The following MARCHF1 variants were observed in gnomAD, a reference collection of about 807,000 sequenced individuals.
The protein encoded by MARCHF1 is membrane associated ring-CH-type finger 1, also known as E3 ubiquitin-protein ligase MARCHF1.
Under a neutral mutation model 54.2 loss-of-function variants are expected in MARCHF1, and 40 were observed. That is an observed-to-expected ratio of 0.74 (90% CI 0.57 to 0.96). MARCHF1 has a LOEUF of 0.96. Ranked by LOEUF, MARCHF1 falls within the 40% of genes least tolerant of loss-of-function variation. MARCHF1 has a pLI of 0.00. For synonymous variants in MARCHF1, 236 were observed against 236.3 expected (o/e 1.00, Z 0.01); for missense variants, 586 against 656.5 (o/e 0.89, Z 1.17).
At chr4:164,337,413 GGAGAA>G (rs2110829023) in intron 1 of MARCHF1, among the ~76,000 whole-genome samples, 1 of 152,348 alleles carries the variant, frequency 6.6e-6, no homozygotes, top group South Asian at 2.1e-4. Context: ...CTGCCCACAG[GGAGAA>G]GTGACAGTGT....
chr4:164,146,678 T>C (rs1165211695), intron 1 of MARCHF1, among the ~76,000 whole-genome samples: 1 of 152,044 alleles, frequency 6.6e-6, no homozygotes, highest in Non-Finnish European at 1.5e-5. Flanking sequence ...CAATTCAAGA[T>C]GGATTAAAGA....
At chr4:164,363,836 C>T (rs971950102) in intron 1 of MARCHF1, among the ~76,000 whole-genome samples, 2 of 151,680 alleles carry the variant, frequency 1.3e-5, no homozygotes, top group South Asian at 4.2e-4. Flanking sequence ...CATTAGCTCT[C>T]CTATTGAGTA....
At chr4:163,863,975 A>G (rs1163981995) in intron 3 of MARCHF1, among the ~76,000 whole-genome samples, 1 of 152,062 alleles carries the variant, frequency 6.6e-6, no homozygotes, top group Non-Finnish European at 1.5e-5. Context: ...GTAACAGATT[A>G]TGACCCAAAG....
At chr4:163,909,117 T>C (rs1384139061) in intron 3 of MARCHF1, among the ~76,000 whole-genome samples, 1 of 152,188 alleles carries the variant, frequency 6.6e-6, no homozygotes, top group Non-Finnish European at 1.5e-5. Context: ...TTTTAATGTG[T>C]TAATTGATAC....
At chr4:164,254,027 A>G (rs1733196820) in intron 1 of MARCHF1, among the ~76,000 whole-genome samples, 1 of 152,176 alleles carries the variant, frequency 6.6e-6, no homozygotes, top group South Asian at 2.1e-4. Context: ...TACTGAAAAG[A>G]GATAATATGA....
chr4:163,865,099 T>G (rs1018341000), intron 3 of MARCHF1, among the ~76,000 whole-genome samples: 11 of 151,936 alleles, frequency 7.2e-5, no homozygotes, highest in Non-Finnish European at 1.3e-4. Context: ...TCACAGAATT[T>G]AAAGCAATGC....
intron 3 of MARCHF1, among the ~76,000 whole-genome samples, chr4:163,903,664 G>A (rs941075685): frequency 6.6e-6 from 1 of 151,588 alleles, no homozygotes; most frequent in Non-Finnish European, 1.5e-5. Context: ...AGACTGGAGT[G>A]CAATGGTTCA....
At chr4:163,695,783 C>T (rs1744609672) in intron 5 of MARCHF1, among the ~76,000 whole-genome samples, 1 of 152,106 alleles carries the variant, frequency 6.6e-6, no homozygotes, top group South Asian at 2.1e-4. Flanking sequence ...TTGGGAGATA[C>T]ATATTACACT....
chr4:164,139,303 T>G (rs6835007), intron 1 of MARCHF1, among the ~76,000 whole-genome samples: 26,042 of 152,128 alleles, frequency 0.17, 3,697 homozygotes, highest in African/African-American at 0.39. Flanking sequence ...TATTCCATCT[T>G]TCAGTGCCCA....
At chr4:164,079,775 T>C (rs1353489085) in intron 2 of MARCHF1, among the ~76,000 whole-genome samples, 1 of 152,200 alleles carries the variant, frequency 6.6e-6, no homozygotes, top group Non-Finnish European at 1.5e-5. Flanking sequence ...ATCAATATAC[T>C]ATGAAATTTC....
chr4:164,027,792 G>A (rs1449862716), intron 2 of MARCHF1, among the ~76,000 whole-genome samples: 5 of 152,040 alleles, frequency 3.3e-5, no homozygotes, highest in Non-Finnish European at 5.9e-5. Context: ...AATCAACAGA[G>A]TAAACAGGCA....
intron 1 of MARCHF1, among the ~76,000 whole-genome samples, chr4:164,305,974 A>G (rs1734685928): frequency 6.6e-6 from 1 of 152,160 alleles, no homozygotes; most frequent in Admixed American, 6.5e-5. Flanking sequence ...CTCTTCAAAT[A>G]ATTGATACCA....
At chr4:163,607,968 A>G (rs1004839269) in intron 7 of MARCHF1, among the ~76,000 whole-genome samples, 2 of 152,132 alleles carry the variant, frequency 1.3e-5, no homozygotes, top group African/African-American at 4.8e-5. Flanking sequence ...TGTTGGCTCT[A>G]CAGCAGGTGA....
At chr4:164,258,278 A>G (rs1353104065) in intron 1 of MARCHF1, among the ~76,000 whole-genome samples, 1 of 152,134 alleles carries the variant, frequency 6.6e-6, no homozygotes, top group Admixed American at 6.5e-5. Context: ...AAATAGTATT[A>G]GGAGAAATAC....
At chr4:163,880,843 G>A (rs1750400142) in intron 3 of MARCHF1, among the ~76,000 whole-genome samples, 1 of 152,082 alleles carries the variant, frequency 6.6e-6, no homozygotes, top group South Asian at 2.1e-4. Flanking sequence ...AAAAATGTAT[G>A]AGCTTTATTT....
chr4:163,671,860 C>T (rs947505435), intron 5 of MARCHF1, among the ~76,000 whole-genome samples: 4 of 151,900 alleles, frequency 2.6e-5, no homozygotes, highest in Non-Finnish European at 4.4e-5. Context: ...TAAAAGAGAA[C>T]AGGAAGTATG....
chr4:164,351,774 G>A (rs1279971815), intron 1 of MARCHF1, among the ~76,000 whole-genome samples: 1 of 152,120 alleles, frequency 6.6e-6, no homozygotes, highest in East Asian at 1.9e-4. Context: ...TGACTTTGAT[G>A]AGCTGAGAGA....
chr4:163,909,506 A>G (rs1325332603), intron 3 of MARCHF1, among the ~76,000 whole-genome samples: 1 of 152,190 alleles, frequency 6.6e-6, no homozygotes, highest in Non-Finnish European at 1.5e-5. Flanking sequence ...TCATGTCTGT[A>G]ATTAAAAAGG....
At chr4:164,105,481 C>A (rs1355271065) in intron 2 of MARCHF1, among the ~76,000 whole-genome samples, 2 of 141,772 alleles carry the variant, frequency 1.4e-5, no homozygotes, top group Non-Finnish European at 1.5e-5. Context: ...ACTATCTGAT[C>A]TTTGACAAAC....
Sources: allele counts gnomAD v4.1 joint callset (sites outside exome capture counted in the v4.1 genomes callset), GRCh38; gene constraint gnomAD v4.1.1; transcripts MANE v1.5; gene names NCBI Gene and HGNC (gene_info 2026-07-23, HGNC 2026-07-21).